The following REDIC1 variants were observed in gnomAD, a reference collection of about 807,000 sequenced individuals.
REDIC1 encodes the protein HEI10 Interacting Protein 1.
At chr12:39,711,708 CAT>C in the REDIC1 span, among the ~76,000 whole-genome samples, 4 of 16,458 alleles carry the variant, frequency 2.4e-4, no homozygotes, top group Admixed American at 6.6e-4. Context: ...TGTGTATACA[CAT>C]GCATGTGTAT....
At chr12:39,771,298 A>G in the REDIC1 span, among the ~76,000 whole-genome samples, 147,950 of 152,154 alleles carry the variant, frequency 0.97, 71,932 homozygotes, top group East Asian at 1. Flanking sequence ...ATATGGCAAA[A>G]GTGACAGGAC....
At chr12:39,653,142 T>C in the REDIC1 span, among the ~76,000 whole-genome samples, 1 of 152,136 alleles carries the variant, frequency 6.6e-6, no homozygotes, top group Non-Finnish European at 1.5e-5. Context: ...ATTGCCATCT[T>C]AACAATAGTG....
chr12:39,712,801 G>A, the REDIC1 span, among the ~76,000 whole-genome samples: 3 of 72,812 alleles, frequency 4.1e-5, no homozygotes, highest in African/African-American at 8.0e-5. Flanking sequence ...ATGTATATAT[G>A]TGTATACTCG....
the REDIC1 span, among the ~76,000 whole-genome samples, chr12:39,728,518 C>T: frequency 6.6e-6 from 1 of 152,082 alleles, no homozygotes; most frequent in Non-Finnish European, 1.5e-5. Context: ...GATGGATAAG[C>T]TTTTTGATGT....
the REDIC1 span, among the ~76,000 whole-genome samples, chr12:39,889,890 ACT>A: frequency 6.6e-6 from 1 of 151,776 alleles, no homozygotes; most frequent in East Asian, 1.9e-4. Context: ...TATTTACAAA[ACT>A]CTCTATAATC....
At chr12:39,840,298 C>T in the REDIC1 span, among the ~76,000 whole-genome samples, 2 of 152,034 alleles carry the variant, frequency 1.3e-5, no homozygotes, top group Admixed American at 1.3e-4. Flanking sequence ...CTCAGCTGGG[C>T]TCTTCCAATA....
At chr12:39,870,451 T>A in the REDIC1 span, among the ~76,000 whole-genome samples, 2 of 152,168 alleles carry the variant, frequency 1.3e-5, no homozygotes, top group Non-Finnish European at 1.5e-5. Flanking sequence ...ATAGCTCTGA[T>A]TATTGGGGAT....
At chr12:39,753,269 T>G in the REDIC1 span, among the ~76,000 whole-genome samples, 1 of 152,182 alleles carries the variant, frequency 6.6e-6, no homozygotes, top group Non-Finnish European at 1.5e-5. Context: ...TATAGTAAGA[T>G]GAGCTTAATT....
chr12:39,887,620 CCTT>C, the REDIC1 span, among the ~76,000 whole-genome samples: 9 of 152,130 alleles, frequency 5.9e-5, no homozygotes, highest in Admixed American at 3.3e-4. Flanking sequence ...GGGTAGACGT[CCTT>C]CTTCTTACAG....
the REDIC1 span, among the ~76,000 whole-genome samples, chr12:39,655,946 T>C: frequency 1.3e-5 from 2 of 152,182 alleles, no homozygotes; most frequent in Non-Finnish European, 2.9e-5. Context: ...AATTGCTCAC[T>C]CTATCATCCC....
At chr12:39,760,096 T>G in the REDIC1 span, 1 of 1,612,932 alleles carries the variant, frequency 6.2e-7, no homozygotes, top group Non-Finnish European at 8.5e-7. Flanking sequence ...ATATTCAATA[T>G]ATCTCCCTTC....
At chr12:39,725,879 G>A in the REDIC1 span, among the ~76,000 whole-genome samples, 1 of 151,818 alleles carries the variant, frequency 6.6e-6, no homozygotes, top group African/African-American at 2.4e-5. Flanking sequence ...TGTCTGAGGG[G>A]TGTGTGTGTG....
At chr12:39,760,057 A>G in the REDIC1 span, 2 of 1,612,450 alleles carry the variant, frequency 1.2e-6, no homozygotes, top group Non-Finnish European at 1.7e-6. Context: ...ATTGTCAGAA[A>G]GATGATAGTT....
the REDIC1 span, among the ~76,000 whole-genome samples, chr12:39,880,190 C>A: frequency 6.6e-6 from 1 of 152,152 alleles, no homozygotes; most frequent in Non-Finnish European, 1.5e-5. Context: ...TTTGTAGAAC[C>A]ATAAGCCAAG....
the REDIC1 span, among the ~76,000 whole-genome samples, chr12:39,632,043 G>A: frequency 9.7e-6 from 1 of 103,382 alleles, no homozygotes; most frequent in Non-Finnish European, 2.4e-5. Flanking sequence ...ATATATATGT[G>A]TAAATTTGTA....
At chr12:39,756,686 A>G in the REDIC1 span, 1 of 151,682 alleles carries the variant, frequency 6.6e-6, no homozygotes, top group Non-Finnish European at 1.5e-5. Flanking sequence ...TTGTTGTTAA[A>G]AAGCAAAAGG....
the REDIC1 span, among the ~76,000 whole-genome samples, chr12:39,832,655 G>A: frequency 5.9e-5 from 9 of 151,976 alleles, no homozygotes; most frequent in Admixed American, 3.9e-4. Context: ...CACTGCCCTC[G>A]TGAAGCTGAT....
At chr12:39,642,773 T>C in the REDIC1 span, among the ~76,000 whole-genome samples, 1 of 151,766 alleles carries the variant, frequency 6.6e-6, no homozygotes, top group Non-Finnish European at 1.5e-5. Context: ...AAATGAAATA[T>C]GAACAAATAC....
At chr12:39,632,038 T>A in the REDIC1 span, among the ~76,000 whole-genome samples, 1 of 116,124 alleles carries the variant, frequency 8.6e-6, no homozygotes, top group African/African-American at 2.7e-5. Flanking sequence ...TTTACATATA[T>A]ATGTGTAAAT....
Sources: allele counts gnomAD v4.1 joint callset (sites outside exome capture counted in the v4.1 genomes callset), GRCh38; gene constraint gnomAD v4.1.1; transcripts MANE v1.5; gene names NCBI Gene and HGNC (gene_info 2026-07-23, HGNC 2026-07-21).